Variants in RETREG3 observed in about 807,000 individuals in gnomAD.
RETREG3 encodes reticulophagy regulator family member 3.
Under a neutral mutation model 50.2 loss-of-function variants are expected in RETREG3, and 23 were observed. The observed-to-expected ratio is 0.46, with a 90% CI of 0.33 to 0.65. The LOEUF (loss-of-function observed/expected upper bound fraction) is 0.65. Ranked by LOEUF, RETREG3 falls within the 30% of genes least tolerant of loss-of-function variation. RETREG3 has a pLI of 0.02. For synonymous variants in RETREG3, 240 were observed against 234.4 expected (o/e 1.02, Z -0.22); for missense variants, 546 against 598.0 (o/e 0.91, Z 0.91).
Position 42,586,072 on chromosome 17 carries a change from A to C in RETREG3, c.570T>G (p.Leu190=), listed in dbSNP as rs2093120635. ...ACTTACGCATCAAGTAGGACAGCAG[A>C]AGCCCAGGGACGTAGCGGCCCAAGA... ...LAVLGRYVPG[L]LLSYLMLVTV... is the part of the protein sequence containing the mutation. The change falls in exon 5 of 9, where the codon CTT becomes CTG. Residue 190 remains leucine (L), a synonymous_variant. Transcript: ENST00000309428. The C allele has an allele frequency of 6.2e-7, 1 of 1,614,188 alleles. No individual in the cohort carries two copies. The highest frequency in any genetic ancestry group is 8.5e-7 in the Non-Finnish European group (1 of 1,180,026).
chr17:42,596,802 C>T (rs117273750), intron 1 of RETREG3, among the ~76,000 whole-genome samples: 1,645 of 151,966 alleles, frequency 0.011, 13 homozygotes, highest in Non-Finnish European at 0.017. Context: ...TATTAATTAC[C>T]TGGTTACCTT....
At chr17:42,596,909 G>C (rs1050374664) in intron 1 of RETREG3, among the ~76,000 whole-genome samples, 1 of 143,612 alleles carries the variant, frequency 7.0e-6, no homozygotes, top group African/African-American at 2.6e-5. Context: ...GTCTGGCTTT[G>C]TCACCCAGGC....
chr17:42,597,408 C>G (rs1001612389), intron 1 of RETREG3, among the ~76,000 whole-genome samples: 1 of 148,744 alleles, frequency 6.7e-6, no homozygotes, highest in South Asian at 2.1e-4. Flanking sequence ...AGGATGATCT[C>G]GATCTCCTGA....
intron 1 of RETREG3, among the ~76,000 whole-genome samples, chr17:42,596,786 CATTAAT>C (rs1350806622): frequency 1.3e-5 from 2 of 151,946 alleles, no homozygotes; most frequent in African/African-American, 2.4e-5. Context: ...TGTAAGAGAA[CATTAAT>C]ATTAATTACC....
In RETREG3 at chr17:42,592,036, C is replaced by A; in HGVS notation, c.346+20G>T. The A allele has an allele frequency of 6.3e-7, 1 of 1,597,752 alleles. No homozygotes were observed. The highest frequency in any genetic ancestry group is 1.1e-5 in the South Asian group (1 of 89,934). On this transcript the variant is annotated intron_variant, in intron 2 of 8. Coordinates refer to ENST00000309428, the MANE Select transcript of RETREG3 (RefSeq NM_178126.4). Reference sequence around the variant, plus strand: ...AAGGCCATCTTCAGTTCAGATTGTTCTAAATGCTACCAAACTCACCTTTTA... The same window carrying A: ...AAGGCCATCTTCAGTTCAGATTGTTATAAATGCTACCAAACTCACCTTTTA...
chr17:42,597,187 TTTTC>T (rs1346505091), intron 1 of RETREG3, among the ~76,000 whole-genome samples: 3 of 139,008 alleles, frequency 2.2e-5, no homozygotes, highest in African/African-American at 8.3e-5. Flanking sequence ...AGAATCTATT[TTTTC>T]TTTTTTTTTT....
chr17:42,582,593 G>A (rs2093111841), intron 8 of RETREG3, 81 bp downstream of exon 8: 4 of 1,560,334 alleles, frequency 2.6e-6, no homozygotes, highest in Non-Finnish European at 3.5e-6. Flanking sequence ...AGAGGGGCAA[G>A]CACCAGTATC....
rs748524486 is a variant in RETREG3 at position 42,582,075 on chromosome 17, G to T, written c.1139C>A (p.Pro380Gln). Reference protein sequence around the residue: ...PPASRDEAALPELLLGALPVG... With the variant: ...PPASRDEAALQELLLGALPVG... ...AGGAAGAGCACCAAGCAGGAGCTCCGGCAGCGCAGCCTCGTCCCGGCTGGC... is the reference window on the plus strand; with the variant it reads ...AGGAAGAGCACCAAGCAGGAGCTCCTGCAGCGCAGCCTCGTCCCGGCTGGC... The change falls in exon 9 of 9, where the codon CCG becomes CAG. Residue 380 changes from proline to glutamine, a missense_variant. Transcript: ENST00000309428. 2 of 1,614,098 alleles carry T rather than the reference G, an allele frequency of 1.2e-6. No homozygotes were observed. The highest frequency in any genetic ancestry group is 2.2e-5 in the East Asian group (1 of 44,874).
chr17:42,588,519 C>T (rs1247405622), intron 2 of RETREG3, among the ~76,000 whole-genome samples: 4 of 151,912 alleles, frequency 2.6e-5, no homozygotes, highest in African/African-American at 7.3e-5. Flanking sequence ...TACAGGCACA[C>T]GCCACCATAC....
intron 1 of RETREG3, among the ~76,000 whole-genome samples, chr17:42,608,237 A>C (rs1461714556): frequency 6.6e-6 from 1 of 152,236 alleles, no homozygotes; most frequent in African/African-American, 2.4e-5. Flanking sequence ...ATCCAAAATT[A>C]TGGTTGGTAG....
Position 42,582,681 on chromosome 17 carries a change from G to A in RETREG3, c.936C>T (p.Gly312=), listed in dbSNP as rs779001884. The change falls in exon 8 of 9, where the codon GGC becomes GGT. Residue 312 remains glycine, a synonymous_variant. Transcript: ENST00000309428. Reference sequence around the variant, plus strand: ...GTCAAAGGCTCCCCTCACCTTCAGAGCCTTCCGTTAGAGGTGTTTGGCCCC... The same window carrying A: ...GTCAAAGGCTCCCCTCACCTTCAGAACCTTCCGTTAGAGGTGTTTGGCCCC... The part of the protein sequence containing the change: ...LSRGQTPLTE[G]SEDLDGHSDP... 6.2e-7 allele frequency: 1 copy of A among 1,614,216 alleles called. No individual in the cohort carries two copies. The highest frequency in any genetic ancestry group is 8.5e-7 in the Non-Finnish European group (1 of 1,180,036).
chr17:42,583,472 T>C (rs1340461063), intron 7 of RETREG3, 26 bp downstream of exon 7: 25 of 1,610,074 alleles, frequency 1.6e-5, no homozygotes, highest in Non-Finnish European at 2.1e-5. Flanking sequence ...AACTGGACAG[T>C]GAAGCAGCTC....
In RETREG3 at chr17:42,582,791, C is replaced by G; in HGVS notation, c.826G>C (p.Val276Leu). 2 of 1,614,220 alleles carry G rather than the reference C, an allele frequency of 1.2e-6. No homozygotes were observed. Among genetic ancestry groups the G allele is most frequent in the Non-Finnish European group, 1.7e-6 (2 of 1,180,034 alleles). The change falls in exon 8 of 9, where the codon GTT becomes CTT. Residue 276 changes from valine to leucine, a missense_variant. Val to Leu is a conservative substitution (Grantham distance 32, BLOSUM62 1). Transcript: ENST00000309428. ...AFCPQLDDST[V>L]ARELAITDSE... ...TCTGTGATGGCCAATTCCCTGGCAA[C>G]AGTAGAATCGTCCAGCTTAGGAAAA...
At chr17:42,600,769 T>C (rs188611238) in intron 1 of RETREG3, among the ~76,000 whole-genome samples, 1 of 152,342 alleles carries the variant, frequency 6.6e-6, no homozygotes, top group Non-Finnish European at 1.5e-5. Flanking sequence ...GGCTATTCTC[T>C]TCATTAAAAA....
intron 1 of RETREG3, among the ~76,000 whole-genome samples, chr17:42,601,886 G>A (rs984982128): frequency 3.3e-5 from 5 of 151,764 alleles, no homozygotes; most frequent in African/African-American, 9.7e-5. Context: ...TGCCTGCCTC[G>A]GCCTCCCAAA....
chr17:42,586,204 T>A lies in RETREG3; in HGVS notation c.505-67A>T, dbSNP rs918744700. 5 of 1,470,484 alleles carry A rather than the reference T, an allele frequency of 3.4e-6. No individual in the cohort carries two copies. In the African/African-American group the frequency reaches 7.0e-5, roughly 20 times the overall value. The allele number at this position is 1,470,484 out of a possible 1,614,324, so 91.1% of individuals were successfully genotyped here. The stretch of plus-strand genomic sequence containing the variant: ...AGGGGACTGGGGTGGGTGTGAAGGG[T>A]TAGGGTAGAGATATGACAGAAAGAC... On this transcript the variant is annotated intron_variant, in intron 4 of 8. Transcript: ENST00000309428.
At position 42,581,496 on chromosome 17, in the gene RETREG3, G is replaced by A. The variant is rs2093108533; in HGVS notation, c.*317C>T. On this transcript the variant is annotated 3_prime_UTR_variant, in exon 9 of 9. Coordinates refer to ENST00000309428, the MANE Select transcript of RETREG3 (RefSeq NM_178126.4). The stretch of plus-strand genomic sequence containing the variant: ...GGCCCCTGAGCACTCATACCTAAAA[G>A]CAAACAGCAGCACCTCCTCAAAGGG... 3.8e-6 allele frequency: 1 copy of A among 260,210 alleles called. No individual in the cohort carries two copies. Among genetic ancestry groups the A allele is most frequent in the South Asian group, 1.0e-4 (1 of 9,944 alleles). The allele number at this position is 260,210 out of a possible 1,614,324, so 16.1% of individuals were successfully genotyped here. A position where few individuals can be genotyped will look rare whatever the true frequency, so the allele number is the denominator to read the frequency against.
Position 42,585,977 on chromosome 17 carries a change from C to T in RETREG3, c.589+76G>A, listed in dbSNP as rs1352033197. The T allele has an allele frequency of 5.1e-6, 7 of 1,367,338 alleles. No individual in the cohort carries two copies. The African/African-American group carries it at 1.0e-4, about 20-fold the overall frequency. The allele number at this position is 1,367,338 out of a possible 1,614,324, so 84.7% of individuals were successfully genotyped here. On this transcript the variant is annotated intron_variant, in intron 5 of 8. Coordinates refer to ENST00000309428, the MANE Select transcript of RETREG3 (RefSeq NM_178126.4). ...GAATTGAAATATAACAGTCCTCTCC[C>T]CACACCTAGAGTTAGCCATAGTTGG...
At chr17:42,609,011 C>T in intron 1 of RETREG3, 75 bp downstream of exon 1, 1 of 1,428,912 alleles carries the variant, frequency 7.0e-7, no homozygotes, top group South Asian at 1.3e-5. Flanking sequence ...GAAAACAGGG[C>T]AGGCGAGAAG....
Sources: gnomAD v4.1 joint callset for allele counts (sites outside exome capture counted in the v4.1 genomes callset) on GRCh38, gnomAD v4.1.1 for gene constraint, MANE v1.5 for transcripts, NCBI Gene and HGNC (gene_info 2026-07-23, HGNC 2026-07-21) for gene names.